The following TSNAXIP1 variants were observed in gnomAD, a reference collection of about 807,000 sequenced individuals.
The protein encoded by TSNAXIP1 is translin-associated factor X-interacting protein 1.
A neutral mutation model predicts 84.8 loss-of-function variants in TSNAXIP1; 89 were observed. That is an observed-to-expected ratio of 1.05 (90% CI 0.88 to 1.25). The LOEUF is 1.25. Among genes scored for constraint, TSNAXIP1 ranks in the 50% most tolerant of loss-of-function variants. The pLI, the probability that TSNAXIP1 is intolerant of heterozygous loss-of-function variation, is 0.00. For synonymous variants in TSNAXIP1, 347 were observed against 335.2 expected (o/e 1.04, Z -0.39); for missense variants, 874 against 887.6 (o/e 0.98, Z 0.20).
At position 67,824,718 on chromosome 16, in the gene TSNAXIP1, A is replaced by G. The variant is rs1407007639; in HGVS notation, c.617A>G (p.Lys206Arg). ...GAAATCTCCCTGCTCAAGAAAGAGA[A>G]GATGAACTTGCTAAAACTCATCGAC... ...KYEISLLKKE[K>R]MNLLKLIDKK... The change falls in exon 6 of 16, where the codon AAG becomes AGG. Residue 206 changes from lysine (K) to arginine (R), a missense_variant. By Grantham distance (26) the Lys-to-Arg change is conservative. Transcript: ENST00000561639. The G allele has an allele frequency of 6.2e-7, 1 of 1,614,086 alleles. No individual in the cohort carries two copies. The highest frequency in any genetic ancestry group is 2.2e-5 in the East Asian group (1 of 44,892).
Position 67,825,247 on chromosome 16 carries a change from G to A in TSNAXIP1, c.789G>A (p.Glu263=). Residue 263 remains glutamate (E), a synonymous_variant, in exon 7 of 16, where the codon GAG becomes GAA. Coordinates refer to ENST00000561639, the MANE Select transcript of TSNAXIP1 (RefSeq NM_001288990.3). ...ADLNELRYQR[E]DMSLAQSPGI... ...TGAATGAGCTGCGGTACCAGCGGGA[G>A]GACATGTCATTAGCCCAGTCGCCAG... The A allele has an allele frequency of 6.2e-7, 1 of 1,614,172 alleles. No homozygotes were observed. Among genetic ancestry groups the A allele is most frequent in the Middle Eastern group, 1.7e-4 (1 of 6,060 alleles).
intron 2 of TSNAXIP1, among the ~76,000 whole-genome samples, chr16:67,819,980 G>A (rs529770956): frequency 6.6e-5 from 10 of 152,082 alleles, no homozygotes; most frequent in South Asian, 6.2e-4. Context: ...CACCACGCCC[G>A]GCTAATTTTT....
At position 67,826,855 on chromosome 16, in the gene TSNAXIP1, G is replaced by C; in HGVS notation, c.1554+11G>C. The C allele has an allele frequency of 6.2e-7, 1 of 1,612,790 alleles. No individual in the cohort carries two copies. Among genetic ancestry groups the C allele is most frequent in the Middle Eastern group, 1.7e-4 (1 of 6,060 alleles). On this transcript the variant is annotated intron_variant, in intron 12 of 15. Coordinates refer to ENST00000561639, the MANE Select transcript of TSNAXIP1 (RefSeq NM_001288990.3). Reference sequence around the variant, plus strand: ...GTCTTGATGGGAAAGGTGAGCTGGGGCCTATTCCCCTTGGGGAGACTGAGA... The same window carrying C: ...GTCTTGATGGGAAAGGTGAGCTGGGCCCTATTCCCCTTGGGGAGACTGAGA...
chr16:67,807,281 C>T (rs762486812), intron 1 of TSNAXIP1, 85 bp downstream of exon 1: 3 of 1,535,368 alleles, frequency 2.0e-6, no homozygotes, highest in South Asian at 1.2e-5. Context: ...ACCTCTGCAC[C>T]TCCTGCTGGC....
At chr16:67,821,827 T>TA (rs1256416892) in intron 4 of TSNAXIP1, among the ~76,000 whole-genome samples, 2 of 150,856 alleles carry the variant, frequency 1.3e-5, no homozygotes, top group Non-Finnish European at 3.0e-5. Flanking sequence ...CTGCCTCTAC[T>TA]AAAAATACAA....
chr16:67,825,006 CCTT>C (rs757971779), intron 6 of TSNAXIP1, 128 bp from the exon 7 acceptor site: 101 of 1,329,398 alleles, frequency 7.6e-5, no homozygotes, highest in African/African-American at 2.9e-4. Flanking sequence ...TGGCCAATCT[CCTT>C]CTTCTTTCAC....
At chr16:67,822,444 A>G (rs1447109424) in intron 4 of TSNAXIP1, among the ~76,000 whole-genome samples, 1 of 152,096 alleles carries the variant, frequency 6.6e-6, no homozygotes, top group East Asian at 1.9e-4. Flanking sequence ...GCCACTGGAC[A>G]TCAGTGAACG....
rs201559456 is a variant in TSNAXIP1, at chr16:67,820,972, T to C, written c.260+21T>C. 2,867 of 1,589,970 alleles carry C rather than the reference T, an allele frequency of 1.8e-3. 5 individuals are homozygous for C. The highest frequency in any genetic ancestry group is 3.4e-3 in the Middle Eastern group (20 of 5,884). On this transcript the variant is annotated intron_variant, in intron 3 of 15. Transcript: ENST00000561639. ...GTAGGGTAAGCCAGGGTCAGTCCCA[T>C]GGTGGGTGAGCTGGCATGGGCCAGG...
chr16:67,810,820 A>T (rs1179413820), intron 1 of TSNAXIP1, among the ~76,000 whole-genome samples: 4 of 148,170 alleles, frequency 2.7e-5, no homozygotes. Context: ...GCTCGCTGCA[A>T]CCTCTGCCTC....
At chr16:67,821,291 C>G (rs1459530268) in intron 4 of TSNAXIP1, 66 bp downstream of exon 4, 1 of 1,570,872 alleles carries the variant, frequency 6.4e-7, no homozygotes, top group East Asian at 2.3e-5. Flanking sequence ...ACCTACCGGC[C>G]GGGCACAGTG....
Position 67,824,502 on chromosome 16 carries a change from A to G in TSNAXIP1, c.482-81A>G. On this transcript the variant is annotated intron_variant, in intron 5 of 15. Coordinates refer to ENST00000561639, the MANE Select transcript of TSNAXIP1 (RefSeq NM_001288990.3). ...CTTGGGGTTTGCAAGCGACATAGCCACTCACCCATGACCTTAGGGTGTCTT... is the reference window on the plus strand; with the variant it reads ...CTTGGGGTTTGCAAGCGACATAGCCGCTCACCCATGACCTTAGGGTGTCTT... 3 of 1,376,430 alleles carry G rather than the reference A, an allele frequency of 2.2e-6. No homozygotes were observed. The South Asian group carries it at 3.9e-5, about 18-fold the overall frequency. The allele number at this position is 1,376,430 out of a possible 1,614,324, so 85.3% of individuals were successfully genotyped here.
intron 2 of TSNAXIP1, among the ~76,000 whole-genome samples, chr16:67,818,732 C>A (rs2056795536): frequency 6.9e-6 from 1 of 145,574 alleles, no homozygotes; most frequent in African/African-American, 2.5e-5. Flanking sequence ...GAGACAGAGT[C>A]TCTCTCTGTC....
intron 2 of TSNAXIP1, among the ~76,000 whole-genome samples, chr16:67,819,285 C>T (rs1342784718): frequency 1.3e-5 from 2 of 150,630 alleles, no homozygotes; most frequent in Admixed American, 6.6e-5. Flanking sequence ...CTCTTGTCCC[C>T]GTGGCTGGAG....
intron 1 of TSNAXIP1, among the ~76,000 whole-genome samples, chr16:67,813,792 A>C (rs1466132704): frequency 2.0e-5 from 3 of 150,152 alleles, no homozygotes; most frequent in Non-Finnish European, 4.4e-5. Flanking sequence ...AACCAGGCTG[A>C]GAAATATTAA....
rs970746426 is a variant in TSNAXIP1 at position 67,825,999 on chromosome 16, A to T, written c.1067A>T (p.Glu356Val). The change falls in exon 9 of 16, where the codon GAA becomes GTA. Residue 356 changes from glutamate (E) to valine (V), a missense_variant. Coordinates refer to ENST00000561639, the MANE Select transcript of TSNAXIP1 (RefSeq NM_001288990.3). ...LMQLHMSTLK[E>V]RDQFFSELQE... is the part of the protein sequence containing the mutation. The stretch of plus-strand genomic sequence containing the variant: ...CAGCTGCACATGAGCACGCTGAAGG[A>T]ACGGGACCAATTCTTCTCTGAGCTG... The T allele has an allele frequency of 5.0e-6, 8 of 1,613,954 alleles. No homozygotes were observed. The highest frequency in any genetic ancestry group is 6.8e-6 in the Non-Finnish European group (8 of 1,180,024).
chr16:67,807,038 A>G lies in TSNAXIP1; in HGVS notation c.-112A>G. 1 of 1,465,502 alleles carries G rather than the reference A, an allele frequency of 6.8e-7. No homozygotes were observed. Among genetic ancestry groups the G allele is most frequent in the East Asian group, 2.5e-5 (1 of 39,930 alleles). 90.8% of individuals were successfully genotyped at this position (1,465,502 alleles called of 1,614,324 possible). On this transcript the variant is annotated 5_prime_UTR_variant, in exon 1 of 16. Coordinates refer to ENST00000561639, the MANE Select transcript of TSNAXIP1 (RefSeq NM_001288990.3). ...GGCTCGGGGGCGTGGCGCATCCCTG[A>G]CTCCGCCCCCGCCGCGGGGGGGCCT...
In TSNAXIP1 at chr16:67,825,240, A is replaced by T. The variant is rs1484693767; in HGVS notation, c.782A>T (p.Gln261Leu). ...LIADLNELRY[Q>L]REDMSLAQSP... ...GCAGACCTGAATGAGCTGCGGTACC[A>T]GCGGGAGGACATGTCATTAGCCCAG... The change falls in exon 7 of 16, where the codon CAG (glutamine) becomes CTG (leucine). Residue 261 changes from glutamine (Q) to leucine (L), a missense_variant. By Grantham distance (113) the Gln-to-Leu change is moderately radical. Transcript: ENST00000561639. The T allele has an allele frequency of 1.9e-6, 3 of 1,614,068 alleles. No homozygotes were observed. The Admixed American group carries it at 5.0e-5, about 27-fold the overall frequency.
intron 2 of TSNAXIP1, among the ~76,000 whole-genome samples, chr16:67,814,782 G>C (rs1172100779): frequency 6.6e-6 from 1 of 152,080 alleles, no homozygotes; most frequent in African/African-American, 2.4e-5. Flanking sequence ...GATCTGCCAA[G>C]GTCCTTCATG....
Position 67,825,263 on chromosome 16 carries a change from C to CA in TSNAXIP1, c.806dup (p.Ser270ValfsTer17). 1 of 1,614,096 alleles carries CA rather than the reference C, an allele frequency of 6.2e-7. No individual in the cohort carries two copies. The highest frequency in any genetic ancestry group is 1.1e-5 in the South Asian group (1 of 91,084). On this transcript the variant is annotated frameshift_variant, in exon 7 of 16. Transcript: ENST00000561639. LOFTEE classifies it high-confidence loss of function. Reference sequence around the variant, plus strand: ...CCAGCGGGAGGACATGTCATTAGCCCAGTCGCCAGGTAAGCCTGAATTGGG... The same window carrying CA: ...CCAGCGGGAGGACATGTCATTAGCCCAAGTCGCCAGGTAAGCCTGAATTGGG...
Sources: gnomAD v4.1 joint callset for allele counts (sites outside exome capture counted in the v4.1 genomes callset) on GRCh38, gnomAD v4.1.1 for gene constraint, MANE v1.5 for transcripts, NCBI Gene and HGNC (gene_info 2026-07-23, HGNC 2026-07-21) for gene names.